The following COA1 variants were observed in gnomAD, a reference collection of about 807,000 sequenced individuals.
COA1 encodes the protein cytochrome c oxidase assembly factor 1 homolog.
COA1 carries 13 observed loss-of-function variants against 16.0 expected under a neutral mutation model. That is an observed-to-expected ratio of 0.81 (90% CI 0.53 to 1.29). The LOEUF (loss-of-function observed/expected upper bound fraction) is 1.29. Ranked by LOEUF, COA1 falls within the 50% of genes most tolerant of loss-of-function variation. The pLI, the probability that COA1 is intolerant of heterozygous loss-of-function variation, is 0.00. For synonymous variants in COA1, 65 were observed against 65.7 expected (o/e 0.99, Z 0.05); for missense variants, 179 against 177.0 (o/e 1.01, Z -0.06).
rs1554542663 is a variant in COA1 at position 43,691,421 on chromosome 7, A to AAAAGAAAGAAAT, written c.-39+38007_-39+38008insATTTCTTTCTTT. On this transcript the variant is annotated intron_variant, in intron 1 of 5. Transcript: ENST00000223336. ...GAAGGAAGGAAGGAAGGAAGAAAGA[A>AAAAGAAAGAAAT]AAAGAAAGAAAGAAAGAAAGAAAGA... is the stretch of plus-strand genomic sequence containing the variant. Among the ~76,000 whole-genome samples the AAAAGAAAGAAAT allele has an allele frequency of 4.3e-3, 374 of 87,518 alleles. 11 individuals are homozygous for AAAAGAAAGAAAT. The highest frequency in any genetic ancestry group is 5.7e-3 in the Non-Finnish European group (255 of 45,066). The allele number at this position is 87,518 out of a possible 152,430, so 57.4% of individuals were successfully genotyped here.
intron 1 of COA1, among the ~76,000 whole-genome samples, chr7:43,692,043 G>A (rs1246986928): frequency 6.6e-6 from 1 of 152,140 alleles, no homozygotes; most frequent in Non-Finnish European, 1.5e-5. Context: ...GCTCCCCTCA[G>A]CTGTGGCCCC....
At chr7:43,720,700 A>G (rs887861798) in intron 1 of COA1, among the ~76,000 whole-genome samples, 2 of 152,228 alleles carry the variant, frequency 1.3e-5, no homozygotes, top group Non-Finnish European at 2.9e-5. Context: ...GAGGTCTTAA[A>G]GTGACCCTGG....
chr7:43,680,711 G>GT (rs1419099142), intron 1 of COA1, among the ~76,000 whole-genome samples: 2 of 152,200 alleles, frequency 1.3e-5, no homozygotes, highest in Non-Finnish European at 2.9e-5. Flanking sequence ...GCTCACACCT[G>GT]TAATCCCAGC....
At chr7:43,648,142 C>G (rs1175356281) in intron 2 of COA1, 1 of 206,048 alleles carries the variant, frequency 4.9e-6, no homozygotes, top group East Asian at 1.2e-4. Context: ...GCTGAATGAA[C>G]AGATGGAGGG....
chr7:43,705,081 G>C (rs191125303), intron 1 of COA1, among the ~76,000 whole-genome samples: 152 of 152,322 alleles, frequency 1.0e-3, no homozygotes, highest in African/African-American at 3.5e-3. Flanking sequence ...AGGCTCAACA[G>C]AGCACTCCTG....
chr7:43,676,878 T>A (rs1463996814), intron 1 of COA1, among the ~76,000 whole-genome samples: 1 of 152,150 alleles, frequency 6.6e-6, no homozygotes. Context: ...TGGTCAATGG[T>A]AGCAAAGAGA....
chr7:43,653,189 G>A (rs950990347), intron 1 of COA1, among the ~76,000 whole-genome samples: 8 of 151,926 alleles, frequency 5.3e-5, no homozygotes, highest in African/African-American at 1.2e-4. Context: ...GCGGGCACCC[G>A]TAGTCCCAGC....
intron 1 of COA1, among the ~76,000 whole-genome samples, chr7:43,721,721 T>C (rs909162155): frequency 1.2e-4 from 18 of 152,090 alleles, no homozygotes; most frequent in African/African-American, 4.1e-4. Context: ...GTGTTGGTTA[T>C]AGAAATCAGT....
intron 1 of COA1, among the ~76,000 whole-genome samples, chr7:43,657,532 T>C (rs2091895996): frequency 6.6e-6 from 1 of 152,156 alleles, no homozygotes; most frequent in Non-Finnish European, 1.5e-5. Context: ...CAACAAATAT[T>C]TGCCAACTGC....
At chr7:43,636,693 T>C (rs2085934815), downstream of COA1, among the ~76,000 whole-genome samples, 1 of 152,212 alleles carries the variant, frequency 6.6e-6, no homozygotes, top group Admixed American at 6.5e-5. Flanking sequence ...TAAAACCTTA[T>C]CAGGTATTAT....
intron 1 of COA1, among the ~76,000 whole-genome samples, chr7:43,707,697 G>C (rs888792200): frequency 6.6e-6 from 1 of 152,128 alleles, no homozygotes; most frequent in Non-Finnish European, 1.5e-5. Context: ...TGTGTAAATT[G>C]AGTTTGTTCA....
rs2089299564 is a variant in COA1 at position 43,646,373 on chromosome 7, C to T, written c.116-974G>A. Reference sequence around the variant, plus strand: ...AATATTCCACACATCTCACAATGTTCAACAGCTCTTGTGTTGTGAGATTCA... The same window carrying T: ...AATATTCCACACATCTCACAATGTTTAACAGCTCTTGTGTTGTGAGATTCA... On this transcript the variant is annotated intron_variant, in intron 3 of 5. Transcript: ENST00000223336. The T allele has an allele frequency of 2.5e-5, 9 of 353,126 alleles. No homozygotes were observed. The Admixed American group carries it at 2.9e-4, about 11-fold the overall frequency. The allele number at this position is 353,126 out of a possible 1,614,324, so 21.9% of individuals were successfully genotyped here. A position where few individuals can be genotyped will look rare whatever the true frequency, so the allele number is the denominator to read the frequency against.
intron 1 of COA1, among the ~76,000 whole-genome samples, chr7:43,685,445 A>G (rs959392532): frequency 6.6e-6 from 1 of 152,238 alleles, no homozygotes; most frequent in Non-Finnish European, 1.5e-5. Context: ...CAATTTTCTC[A>G]TATCAGAAGG....
chr7:43,728,255 T>G (rs1338320053), intron 1 of COA1, among the ~76,000 whole-genome samples: 1 of 152,228 alleles, frequency 6.6e-6, no homozygotes, highest in African/African-American at 2.4e-5. Context: ...ATTACAGGCG[T>G]GAGGCACCGC....
intron 1 of COA1, among the ~76,000 whole-genome samples, chr7:43,705,967 C>T (rs1012901065): frequency 6.6e-6 from 1 of 152,078 alleles, no homozygotes; most frequent in Non-Finnish European, 1.5e-5. Flanking sequence ...TGCATCCTCC[C>T]TCTGTCCACT....
chr7:43,703,674 TTTG>T (rs2094849681), intron 1 of COA1, among the ~76,000 whole-genome samples: 1 of 152,178 alleles, frequency 6.6e-6, no homozygotes, highest in Admixed American at 6.5e-5. Flanking sequence ...CTCTGTTTTG[TTTG>T]TTTTCTGTTT....
chr7:43,655,147 GTTATT>G (rs148025506), intron 1 of COA1, among the ~76,000 whole-genome samples: 247 of 152,166 alleles, frequency 1.6e-3, no homozygotes, highest in African/African-American at 5.4e-3. Context: ...CTAGTGTTTT[GTTATT>G]TTACTTTTTA....
intron 1 of COA1, among the ~76,000 whole-genome samples, chr7:43,685,956 A>T (rs2130732253): frequency 6.6e-6 from 1 of 152,374 alleles, no homozygotes; most frequent in East Asian, 1.9e-4. Context: ...GATACAAAAA[A>T]ATCAAGAATG....
At chr7:43,725,168 GT>G (rs540252639) in intron 1 of COA1, among the ~76,000 whole-genome samples, 2 of 152,052 alleles carry the variant, frequency 1.3e-5, no homozygotes, top group Non-Finnish European at 2.9e-5. Flanking sequence ...AACCCGGGAG[GT>G]GGGGGTTGCG....
Sources: gnomAD v4.1 joint callset for allele counts (sites outside exome capture counted in the v4.1 genomes callset) on GRCh38, gnomAD v4.1.1 for gene constraint, MANE v1.5 for transcripts, NCBI Gene and HGNC (gene_info 2026-07-23, HGNC 2026-07-21) for gene names.